The following DPY19L4 variants were observed in gnomAD, a reference collection of about 807,000 sequenced individuals.
DPY19L4 encodes the protein probable C-mannosyltransferase DPY19L4.
In DPY19L4, 97 loss-of-function variants were observed where a neutral mutation model predicts 102.8. That is an observed-to-expected ratio of 0.94 (90% CI 0.80 to 1.12). DPY19L4 has a LOEUF of 1.12. Among genes scored for constraint, DPY19L4 ranks in the 50% most tolerant of loss-of-function variants. The pLI, the probability that DPY19L4 is intolerant of heterozygous loss-of-function variation, is 0.00. For synonymous variants in DPY19L4, 252 were observed against 283.1 expected (o/e 0.89, Z 1.10); for missense variants, 815 against 850.4 (o/e 0.96, Z 0.52).
chr8:94,723,071 A>G (rs1241647344), intron 1 of DPY19L4, among the ~76,000 whole-genome samples: 1 of 152,246 alleles, frequency 6.6e-6, no homozygotes, highest in Non-Finnish European at 1.5e-5. Flanking sequence ...CTACTGTTTC[A>G]TATGAAGATG....
At chr8:94,747,470 C>G (rs4735316) in intron 6 of DPY19L4, among the ~76,000 whole-genome samples, 102 of 151,432 alleles carry the variant, frequency 6.7e-4, no homozygotes, top group African/African-American at 2.4e-3. Flanking sequence ...TAACACCACA[C>G]GAAAGTGAGC....
At chr8:94,720,813 A>G (rs140128469) in intron 1 of DPY19L4, among the ~76,000 whole-genome samples, 1 of 152,240 alleles carries the variant, frequency 6.6e-6, no homozygotes, top group Non-Finnish European at 1.5e-5. Context: ...TAGTAACTTC[A>G]TGATAACCCC....
At chr8:94,780,762 C>T (rs1315286477) in intron 15 of DPY19L4, among the ~76,000 whole-genome samples, 1 of 151,878 alleles carries the variant, frequency 6.6e-6, no homozygotes, top group Non-Finnish European at 1.5e-5. Context: ...AATTATTGGA[C>T]CTGAAAATTT....
intron 12 of DPY19L4, among the ~76,000 whole-genome samples, chr8:94,769,918 T>C (rs2130900934): frequency 6.7e-6 from 1 of 149,874 alleles, no homozygotes; most frequent in East Asian, 2.0e-4. Context: ...GACAGAGTCT[T>C]ACTCTGTCAC....
intron 17 of DPY19L4, among the ~76,000 whole-genome samples, chr8:94,785,256 G>T (rs1419927941): frequency 6.6e-6 from 1 of 152,142 alleles, no homozygotes; most frequent in African/African-American, 2.4e-5. Flanking sequence ...TTTAAAGTTT[G>T]CTATTATGTT....
chr8:94,747,039 A>G (rs1011846378), intron 6 of DPY19L4, among the ~76,000 whole-genome samples: 1 of 151,854 alleles, frequency 6.6e-6, no homozygotes, highest in Non-Finnish European at 1.5e-5. Context: ...TAGTGATCAG[A>G]ACATTGGTTT....
intron 9 of DPY19L4, 143 bp downstream of exon 9, chr8:94,765,457 T>G: frequency 1.3e-6 from 1 of 797,586 alleles, no homozygotes; most frequent in Non-Finnish European, 1.9e-6. Context: ...TGCCTCAGCC[T>G]CCCAAGTAGC....
chr8:94,747,083 C>G (rs1458575710), intron 6 of DPY19L4, among the ~76,000 whole-genome samples: 1 of 151,724 alleles, frequency 6.6e-6, no homozygotes, highest in Non-Finnish European at 1.5e-5. Context: ...TTTTTTGAGA[C>G]AGAGTCTCAC....
intron 12 of DPY19L4, among the ~76,000 whole-genome samples, chr8:94,769,440 A>C (rs962690319): frequency 6.6e-6 from 1 of 152,242 alleles, no homozygotes; most frequent in Admixed American, 6.5e-5. Flanking sequence ...ACTGATATTT[A>C]AATAATCAGT....
At chr8:94,771,556 C>G (rs994817257) in intron 13 of DPY19L4, among the ~76,000 whole-genome samples, 1 of 152,120 alleles carries the variant, frequency 6.6e-6, no homozygotes. Context: ...GTACATGGTG[C>G]TATAAGAACA....
intron 6 of DPY19L4, among the ~76,000 whole-genome samples, chr8:94,751,488 T>C (rs1422738540): frequency 6.6e-6 from 1 of 151,000 alleles, no homozygotes; most frequent in African/African-American, 2.4e-5. Context: ...TGGTTTCTTA[T>C]TTATTTATTT....
chr8:94,758,798 A>G (rs780325147), intron 7 of DPY19L4, among the ~76,000 whole-genome samples: 11 of 151,414 alleles, frequency 7.3e-5, no homozygotes, highest in Non-Finnish European at 1.0e-4. Flanking sequence ...ACAGTGGGAC[A>G]ATCTCAGCTC....
chr8:94,745,679 G>T (rs77527390), intron 6 of DPY19L4, among the ~76,000 whole-genome samples: 2 of 152,084 alleles, frequency 1.3e-5, no homozygotes, highest in Admixed American at 1.3e-4. Flanking sequence ...CAGGAATTCC[G>T]TTTTATTCCA....
intron 7 of DPY19L4, among the ~76,000 whole-genome samples, chr8:94,758,705 T>C: frequency 6.6e-6 from 1 of 152,156 alleles, no homozygotes. Context: ...AATACTTTGC[T>C]CCTTGTCATC....
rs559805050 is a variant in DPY19L4, at chr8:94,767,446, A to C, written c.1175+761A>C. On this transcript the variant is annotated intron_variant, in intron 11 of 18. Transcript: ENST00000414645. ...GTAGCTGGGACTACAGGCACCCGCTACCATGCCCGGCTAATTTTTTGTATT... is the reference window on the plus strand; with the variant it reads ...GTAGCTGGGACTACAGGCACCCGCTCCCATGCCCGGCTAATTTTTTGTATT... 3.9e-5 allele frequency among the ~76,000 whole-genome samples: 6 copies of C among 152,044 alleles called. No individual in the cohort carries two copies. The South Asian group carries it at 1.0e-3, about 26-fold the overall frequency.
At chr8:94,778,060 G>A (rs939902676) in intron 14 of DPY19L4, among the ~76,000 whole-genome samples, 1 of 151,992 alleles carries the variant, frequency 6.6e-6, no homozygotes, top group African/African-American at 2.4e-5. Context: ...GTAAAACCCT[G>A]TCTCTACTTA....
intron 6 of DPY19L4, chr8:94,744,614 T>G (rs1811591735): frequency 2.2e-6 from 1 of 454,570 alleles, no homozygotes; most frequent in Admixed American, 2.4e-5. Flanking sequence ...TTTCATGTAA[T>G]CCCTATATCT....
At chr8:94,732,147 AC>A (rs138912665) in intron 2 of DPY19L4, among the ~76,000 whole-genome samples, 8,046 of 152,256 alleles carry the variant, frequency 0.053, 632 homozygotes, top group African/African-American at 0.17. Flanking sequence ...AGTTTGCATA[AC>A]AGCACAACTG....
intron 15 of DPY19L4, 28 bp from the exon 16 acceptor site, chr8:94,781,056 A>ATTTTTTTTTTTTT (rs36116205): frequency 2.5e-6 from 3 of 1,200,970 alleles, no homozygotes; most frequent in African/African-American, 1.8e-5. Context: ...TCTTTTGGGG[A>ATTTTTTTTTTTTT]TTTTTTTTTT....
Sources: gnomAD v4.1 joint callset for allele counts (sites outside exome capture counted in the v4.1 genomes callset) on GRCh38, gnomAD v4.1.1 for gene constraint, MANE v1.5 for transcripts, NCBI Gene and HGNC (gene_info 2026-07-23, HGNC 2026-07-21) for gene names.